Variants in SLC39A11 observed in about 807,000 individuals in gnomAD.
The protein encoded by SLC39A11 is zinc transporter ZIP11.
A neutral mutation model predicts 36.1 loss-of-function variants in SLC39A11; 33 were observed. The observed-to-expected ratio is 0.91, with a 90% CI of 0.69 to 1.22. SLC39A11 has a LOEUF of 1.22. Among genes scored for constraint, SLC39A11 ranks in the 50% most tolerant of loss-of-function variants. SLC39A11 has a pLI of 0.00. For synonymous variants in SLC39A11, 166 were observed against 170.3 expected, an observed-to-expected ratio of 0.97 and a Z score of 0.20; for missense variants, 432 against 430.3, an observed-to-expected ratio of 1.00 and a Z score of -0.03.
At chr17:72,809,199 T>TTCTTTCTCTCTCTCTCTCTCTC (rs2077356551) in intron 6 of SLC39A11, among the ~76,000 whole-genome samples, 3 of 102,202 alleles carry the variant, frequency 2.9e-5, no homozygotes, top group East Asian at 2.5e-4. Context: ...TTTCTTTTCT[T>TTCTTTCTCTCTCTCTCTCTCTC]TCTCTCTCTC....
At chr17:72,791,364 A>T (rs982454165) in intron 6 of SLC39A11, among the ~76,000 whole-genome samples, 1 of 152,226 alleles carries the variant, frequency 6.6e-6, no homozygotes, top group Admixed American at 6.5e-5. Flanking sequence ...AGGCAGGAGA[A>T]TCGCTTGAAC....
chr17:72,712,381 T>C (rs2073141179), intron 7 of SLC39A11, among the ~76,000 whole-genome samples: 2 of 152,240 alleles, frequency 1.3e-5, no homozygotes, highest in South Asian at 4.1e-4. Flanking sequence ...CAGTTCTCAC[T>C]CCATCTTGAA....
chr17:72,707,771 C>T (rs1173417228), intron 7 of SLC39A11, among the ~76,000 whole-genome samples: 3 of 152,182 alleles, frequency 2.0e-5, no homozygotes, highest in Admixed American at 6.5e-5. Flanking sequence ...GAAGGCAAAG[C>T]GTACGGCATG....
chr17:72,935,048 A>G (rs2084656976), intron 5 of SLC39A11, among the ~76,000 whole-genome samples: 1 of 152,264 alleles, frequency 6.6e-6, no homozygotes, highest in Non-Finnish European at 1.5e-5. Flanking sequence ...ATATGTTTAC[A>G]CAAAAGCCTG....
intron 7 of SLC39A11, among the ~76,000 whole-genome samples, chr17:72,671,645 C>T (rs1159498716): frequency 6.6e-6 from 1 of 152,022 alleles, no homozygotes; most frequent in African/African-American, 2.4e-5. Context: ...CGTTTGAACC[C>T]AGGAGGTGGC....
At chr17:72,733,803 G>A (rs546490765) in intron 7 of SLC39A11, among the ~76,000 whole-genome samples, 2 of 152,164 alleles carry the variant, frequency 1.3e-5, no homozygotes, top group Non-Finnish European at 2.9e-5. Flanking sequence ...ATCCTGGATT[G>A]CAGGTGGTCA....
intron 6 of SLC39A11, among the ~76,000 whole-genome samples, chr17:72,764,474 G>A (rs1330244107): frequency 1.3e-5 from 2 of 152,186 alleles, no homozygotes; most frequent in Non-Finnish European, 2.9e-5. Context: ...GTAACTGTAG[G>A]ATTGGTTAGG....
chr17:72,804,350 C>T (rs1384927468), intron 6 of SLC39A11, among the ~76,000 whole-genome samples: 12 of 152,152 alleles, frequency 7.9e-5, no homozygotes, highest in Admixed American at 7.9e-4. Context: ...GCTCAGGTAG[C>T]ACACAGCCAG....
At position 72,849,639 on chromosome 17, in the gene SLC39A11, A is replaced by G; in HGVS notation, c.596T>C (p.Val199Ala). The G allele has an allele frequency of 6.6e-7, 1 of 1,524,652 alleles. No individual in the cohort carries two copies. 94.4% of individuals were successfully genotyped at this position (1,524,652 alleles called of 1,614,324 possible). Residue 199 changes from valine (V) to alanine (A), a missense_variant, in exon 6 of 10, where the codon GTT becomes GCT. Val to Ala is a moderately conservative substitution (Grantham distance 64). Coordinates refer to ENST00000255559, the MANE Select transcript of SLC39A11 (RefSeq NM_139177.4). ...LLILAITIHN[V>A]PEGLAVGVGF... ...GCTCACGGGCAAGACCTCACCTGGA[A>G]CGTTGTGTATAGTGATGGCCAAGAT...
intron 4 of SLC39A11, among the ~76,000 whole-genome samples, chr17:73,022,551 C>T (rs1240120909): frequency 1.3e-5 from 2 of 148,640 alleles, no homozygotes; most frequent in Admixed American, 6.7e-5. Context: ...GCCAAGATCC[C>T]GCCATTGCAC....
In SLC39A11 at chr17:72,886,782, C is replaced by T. The variant is rs926805662; in HGVS notation, c.431-36978G>A. On this transcript the variant is annotated intron_variant, in intron 5 of 9. Transcript: ENST00000255559. The stretch of plus-strand genomic sequence containing the variant: ...CAGCCTCTTGACTGTCCCTCAAATA[C>T]ACCAAGCACCTACAAGCTCCAGGGC... Among the ~76,000 whole-genome samples, 8 of 152,336 alleles carry T rather than the reference C, an allele frequency of 5.3e-5. 1 individual carries two copies. The highest frequency in any genetic ancestry group is 4.8e-5 in the African/African-American group (2 of 41,580).
intron 3 of SLC39A11, among the ~76,000 whole-genome samples, chr17:73,080,939 C>T (rs544733220): frequency 6.8e-6 from 1 of 148,110 alleles, no homozygotes; most frequent in South Asian, 2.1e-4. Context: ...AGTGAGGCTC[C>T]ATGTCAAAAA....
chr17:72,657,390 A>G (rs1467819829), intron 7 of SLC39A11, among the ~76,000 whole-genome samples: 1 of 152,190 alleles, frequency 6.6e-6, no homozygotes, highest in Non-Finnish European at 1.5e-5. Context: ...CAAAAGATAA[A>G]TAAATAAATA....
intron 5 of SLC39A11, among the ~76,000 whole-genome samples, chr17:72,906,995 T>C (rs1197919255): frequency 1.3e-5 from 2 of 152,180 alleles, no homozygotes; most frequent in African/African-American, 2.4e-5. Context: ...CCAATTCCAC[T>C]AAAGCATAAG....
At chr17:72,777,290 A>G (rs976823501) in intron 6 of SLC39A11, among the ~76,000 whole-genome samples, 2 of 152,182 alleles carry the variant, frequency 1.3e-5, no homozygotes. Context: ...GGAGTTACCT[A>G]TTTAATAGGA....
intron 7 of SLC39A11, among the ~76,000 whole-genome samples, chr17:72,720,756 CAG>C (rs963826335): frequency 2.6e-5 from 4 of 152,158 alleles, no homozygotes; most frequent in African/African-American, 7.2e-5. Context: ...GATTAGGAAA[CAG>C]AGGCACATAA....
chr17:72,800,754 G>C (rs1156463844), intron 6 of SLC39A11, among the ~76,000 whole-genome samples: 2 of 152,188 alleles, frequency 1.3e-5, no homozygotes. Flanking sequence ...GGCTCAAAAG[G>C]AAGCAGGGTG....
chr17:72,929,388 T>C (rs1323925008), intron 5 of SLC39A11, among the ~76,000 whole-genome samples: 1 of 151,968 alleles, frequency 6.6e-6, no homozygotes, highest in African/African-American at 2.4e-5. Context: ...AACCCAATAG[T>C]GTGTGGTTTT....
chr17:73,041,069 T>C (rs1469082571), intron 3 of SLC39A11, among the ~76,000 whole-genome samples: 1 of 151,918 alleles, frequency 6.6e-6, no homozygotes, highest in Non-Finnish European at 1.5e-5. Flanking sequence ...AGAGAATAAT[T>C]CCCCTCTAAA....
Sources: allele counts gnomAD v4.1 joint callset (sites outside exome capture counted in the v4.1 genomes callset), GRCh38; gene constraint gnomAD v4.1.1; transcripts MANE v1.5; gene names NCBI Gene and HGNC (gene_info 2026-07-23, HGNC 2026-07-21).